GPC6: variants seen among roughly 807,000 people sequenced by gnomAD.
GPC6 encodes the protein glypican-6.
In GPC6, 14 loss-of-function variants were observed where a neutral mutation model predicts 55.2. That is an observed-to-expected ratio of 0.25 (90% CI 0.17 to 0.40). The LOEUF is 0.40. Among genes scored for constraint, GPC6 ranks in the 10% least tolerant of loss-of-function variants. GPC6 has a pLI of 1.00. For missense variants in GPC6, 641 were observed against 708.5 expected, an observed-to-expected ratio of 0.90 and a Z score of 1.08; for synonymous variants, 278 against 259.6, an observed-to-expected ratio of 1.07 and a Z score of -0.68.
intron 6 of GPC6, among the ~76,000 whole-genome samples, chr13:94,365,969 G>GA (rs1393794352): frequency 6.6e-6 from 1 of 152,176 alleles, no homozygotes; most frequent in African/African-American, 2.4e-5. Flanking sequence ...AACTTGAAGT[G>GA]AAATGCTTTG....
intron 1 of GPC6, among the ~76,000 whole-genome samples, chr13:93,330,995 T>C (rs991166046): frequency 6.6e-6 from 1 of 152,222 alleles, no homozygotes; most frequent in African/African-American, 2.4e-5. Flanking sequence ...GTTTGCTTAA[T>C]GGACAGATGA....
intron 1 of GPC6, among the ~76,000 whole-genome samples, chr13:93,418,048 C>G (rs1012653227): frequency 6.6e-6 from 1 of 151,952 alleles, no homozygotes; most frequent in African/African-American, 2.4e-5. Context: ...CTTGGAAATA[C>G]AAACAATTCA....
intron 1 of GPC6, among the ~76,000 whole-genome samples, chr13:93,247,798 G>A (rs1254078411): frequency 6.6e-6 from 1 of 152,006 alleles, no homozygotes; most frequent in South Asian, 2.1e-4. Flanking sequence ...ACTTGGAAAT[G>A]TCTTAGAATC....
intron 1 of GPC6, among the ~76,000 whole-genome samples, chr13:93,296,397 C>A (rs1017994603): frequency 1.3e-5 from 2 of 152,170 alleles, no homozygotes; most frequent in African/African-American, 4.8e-5. Flanking sequence ...AATTTATCTT[C>A]TTTTAATACA....
At chr13:93,926,846 T>C (rs1251751354) in intron 3 of GPC6, among the ~76,000 whole-genome samples, 1 of 152,142 alleles carries the variant, frequency 6.6e-6, no homozygotes, top group Non-Finnish European at 1.5e-5. Context: ...TTAACTGTCC[T>C]AACTAGGGCA....
upstream of GPC6, among the ~76,000 whole-genome samples, chr13:93,225,516 T>G (rs879439613): frequency 2.6e-4 from 39 of 151,166 alleles, no homozygotes; most frequent in Middle Eastern, 3.4e-3. Flanking sequence ...TTGTTTTTTT[T>G]TTTTTTGGTT....
chr13:93,386,092 C>T (rs532276899), intron 1 of GPC6, among the ~76,000 whole-genome samples: 55 of 106,688 alleles, frequency 5.2e-4, no homozygotes, highest in African/African-American at 2.1e-3. Flanking sequence ...GGAATGACCA[C>T]TTTGTTAAAA....
At chr13:93,476,182 G>A (rs1879294595) in intron 1 of GPC6, among the ~76,000 whole-genome samples, 1 of 152,092 alleles carries the variant, frequency 6.6e-6, no homozygotes, top group South Asian at 2.1e-4. Context: ...TGATGTAACA[G>A]GAAAATAAGT....
chr13:94,165,327 G>A (rs1404726560), intron 4 of GPC6, among the ~76,000 whole-genome samples: 1 of 150,508 alleles, frequency 6.6e-6, no homozygotes, highest in East Asian at 1.9e-4. Flanking sequence ...AAAAAGGAAT[G>A]AATATGGCAT....
At chr13:93,795,840 T>C (rs1434331767) in intron 2 of GPC6, among the ~76,000 whole-genome samples, 4 of 152,114 alleles carry the variant, frequency 2.6e-5, no homozygotes, top group Non-Finnish European at 5.9e-5. Context: ...TGTTGGAATT[T>C]TAATACATGG....
At chr13:93,531,833 A>G (rs957247257) in intron 1 of GPC6, among the ~76,000 whole-genome samples, 1 of 152,188 alleles carries the variant, frequency 6.6e-6, no homozygotes, top group Non-Finnish European at 1.5e-5. Flanking sequence ...AATGGATAGC[A>G]CACAACTTCT....
At chr13:93,352,221 A>C (rs1880656028) in intron 1 of GPC6, among the ~76,000 whole-genome samples, 1 of 152,140 alleles carries the variant, frequency 6.6e-6, no homozygotes, top group African/African-American at 2.4e-5. Flanking sequence ...TAAAATAGCT[A>C]ATTTTATGGT....
At chr13:93,352,773 C>T (rs35680959) in intron 1 of GPC6, among the ~76,000 whole-genome samples, 10 of 152,006 alleles carry the variant, frequency 6.6e-5, no homozygotes, top group Non-Finnish European at 1.0e-4. Flanking sequence ...GCAAATCTCA[C>T]GGTGTCTGAG....
chr13:93,774,524 T>A (rs192081888), intron 2 of GPC6, among the ~76,000 whole-genome samples: 46 of 152,292 alleles, frequency 3.0e-4, no homozygotes, highest in Non-Finnish European at 3.5e-4. Flanking sequence ...AATGACACAC[T>A]TAATGACAGA....
chr13:93,547,695 T>G (rs540464704), intron 2 of GPC6, among the ~76,000 whole-genome samples: 22 of 151,872 alleles, frequency 1.4e-4, no homozygotes, highest in African/African-American at 3.9e-4. Flanking sequence ...TAAGATTTTG[T>G]TTTTTTTGGA....
chr13:94,049,095 A>G (rs1883840331), intron 4 of GPC6, among the ~76,000 whole-genome samples: 1 of 152,020 alleles, frequency 6.6e-6, no homozygotes, highest in South Asian at 2.1e-4. Flanking sequence ...TATGAAAACA[A>G]TTTAAAAATC....
At chr13:93,640,409 A>C (rs1044417365) in intron 2 of GPC6, among the ~76,000 whole-genome samples, 1 of 152,072 alleles carries the variant, frequency 6.6e-6, no homozygotes, top group Non-Finnish European at 1.5e-5. Flanking sequence ...TTTATATAGA[A>C]AAAAATATCG....
Position 93,886,133 on chromosome 13 carries a change from T to A in GPC6, c.711+55588T>A, listed in dbSNP as rs1037213168. 4.6e-5 allele frequency among the ~76,000 whole-genome samples: 7 copies of A among 152,246 alleles called. No individual in the cohort carries two copies. In the East Asian group the frequency reaches 9.7e-4, roughly 21 times the overall value. ...TGGCTATGCCAAAGTTTTGGGGTTT[T>A]AAATTGGCAAAAGTATTCACAACTG... is the stretch of plus-strand genomic sequence containing the variant. On this transcript the variant is annotated intron_variant, in intron 3 of 8. Transcript: ENST00000377047.
chr13:94,225,628 T>C (rs995551579), intron 4 of GPC6, among the ~76,000 whole-genome samples: 5 of 150,764 alleles, frequency 3.3e-5, no homozygotes, highest in African/African-American at 1.2e-4. Context: ...AGAATATAGA[T>C]ATATGTAAGG....
Sources: allele counts gnomAD v4.1 joint callset (sites outside exome capture counted in the v4.1 genomes callset), GRCh38; gene constraint gnomAD v4.1.1; transcripts MANE v1.5; gene names NCBI Gene and HGNC (gene_info 2026-07-23, HGNC 2026-07-21).